NWD2: variants seen among roughly 807,000 people sequenced by gnomAD.
The protein encoded by NWD2 is NACHT and WD repeat domain-containing protein 2.
Under a neutral mutation model 132.7 loss-of-function variants are expected in NWD2, and 37 were observed. The observed-to-expected ratio is 0.28, with a 90% CI of 0.21 to 0.37. The LOEUF is 0.37. Ranked by LOEUF, NWD2 falls within the 10% of genes least tolerant of loss-of-function variation. The pLI is 1.00. For missense variants in NWD2, 1,592 were observed against 2,122.4 expected (o/e 0.75, Z 4.91); for synonymous variants, 705 against 803.0 (o/e 0.88, Z 2.06).
At chr4:37,411,494 A>G in intron 3 of NWD2, among the ~76,000 whole-genome samples, 1 of 152,256 alleles carries the variant, frequency 6.6e-6, no homozygotes, top group East Asian at 1.9e-4. Flanking sequence ...AGTAATTAAT[A>G]GCCTACCAAC....
intron 2 of NWD2, among the ~76,000 whole-genome samples, chr4:37,346,582 A>C (rs1163659704): frequency 6.6e-6 from 1 of 152,158 alleles, no homozygotes; most frequent in Non-Finnish European, 1.5e-5. Context: ...GATTGGATTG[A>C]ATCTGTAGGT....
intron 3 of NWD2, among the ~76,000 whole-genome samples, chr4:37,385,816 G>A (rs538299922): frequency 1.3e-5 from 2 of 152,114 alleles, no homozygotes; most frequent in African/African-American, 4.8e-5. Context: ...GATGGATTTG[G>A]GGTATTATTG....
chr4:37,441,733 G>T (rs921664685), intron 6 of NWD2, among the ~76,000 whole-genome samples: 3 of 152,176 alleles, frequency 2.0e-5, no homozygotes, highest in Non-Finnish European at 4.4e-5. Flanking sequence ...TAGGTCCTCT[G>T]CCTGCGCTTC....
In NWD2 at chr4:37,444,039, A is replaced by G. The variant is rs1315447254; in HGVS notation, c.2051A>G (p.Asp684Gly). 6.4e-7 allele frequency: 1 copy of G among 1,551,884 alleles called. No homozygotes were observed. The highest frequency in any genetic ancestry group is 2.0e-5 in the Admixed American group (1 of 50,992). The change falls in exon 7 of 7, where the codon GAC becomes GGC. Residue 684 changes from aspartate to glycine, a missense_variant. Asp to Gly is a moderately conservative substitution (Grantham distance 94). This residue lies in a region of NWD2 where 1,071 missense variants were observed against 1,398.0 expected (regional missense o/e 0.77). Transcript: ENST00000309447. This position sits in a 1 kb window ranked among gnomAD's most constrained non-coding sequence, Gnocchi z 4.8. Reference sequence around the variant, plus strand: ...GAACTGGAGGATGTGTTAGCCCTAGACAACAGTGTAATGAGTGAGCTCAAA... The same window carrying G: ...GAACTGGAGGATGTGTTAGCCCTAGGCAACAGTGTAATGAGTGAGCTCAAA... The part of the protein sequence containing the change: ...EMELEDVLAL[D>G]NSVMSELKEN...
chr4:37,403,599 A>T (rs902617982), intron 3 of NWD2, among the ~76,000 whole-genome samples: 4 of 151,422 alleles, frequency 2.6e-5, no homozygotes, highest in African/African-American at 9.7e-5. Context: ...TCTCACTTGC[A>T]TGAAGCATCA....
chr4:37,325,941 G>A lies in NWD2; in HGVS notation c.157G>A (p.Gly53Arg), dbSNP rs1457532495. 1.3e-6 allele frequency: 2 copies of A among 1,542,478 alleles called. No individual in the cohort carries two copies. The highest frequency in any genetic ancestry group is 1.4e-5 in the African/African-American group (1 of 72,714). The change falls in exon 2 of 7, where the codon GGA becomes AGA. Residue 53 changes from glycine (G) to arginine (R), a missense_variant. By Grantham distance (125) the Gly-to-Arg change is moderately radical (BLOSUM62 -2). Transcript: ENST00000309447. The stretch of plus-strand genomic sequence containing the variant: ...TGTTTGTCTTTCTACTACAGATACG[G>A]GAGCAGAAAGACAGGCGCTAAGAGA... ...VFISANPEDT[G>R]AERQALRENV... is the part of the protein sequence containing the mutation.
At position 37,325,973 on chromosome 4, in the gene NWD2, A is replaced by G. The variant is rs772933993; in HGVS notation, c.189A>G (p.Val63=). 12 of 1,549,146 alleles carry G rather than the reference A, an allele frequency of 7.7e-6. No homozygotes were observed. The highest frequency in any genetic ancestry group is 1.2e-5 in the South Asian group (1 of 83,898). The change falls in exon 2 of 7, where the codon GTA becomes GTG. Residue 63 remains valine, a synonymous_variant. Transcript: ENST00000309447. Reference sequence around the variant, plus strand: ...AAAGACAGGCGCTAAGAGAAAATGTATATCCTAAACTGAGAGAATTCTGCA... The same window carrying G: ...AAAGACAGGCGCTAAGAGAAAATGTGTATCCTAAACTGAGAGAATTCTGCA... ...GAERQALREN[V]YPKLREFCRE...
At chr4:37,426,054 C>T (rs1026065461) in intron 3 of NWD2, among the ~76,000 whole-genome samples, 5 of 152,230 alleles carry the variant, frequency 3.3e-5, no homozygotes, top group African/African-American at 1.2e-4. Flanking sequence ...GGACTGCCCC[C>T]TTCTCTAAAT....
chr4:37,413,619 G>A (rs1721205858), intron 3 of NWD2, among the ~76,000 whole-genome samples: 1 of 152,126 alleles, frequency 6.6e-6, no homozygotes, highest in Non-Finnish European at 1.5e-5. Context: ...TCCCATTACT[G>A]GGTATATACC....
intron 1 of NWD2, among the ~76,000 whole-genome samples, chr4:37,299,781 T>C (rs1211984024): frequency 6.6e-6 from 1 of 152,166 alleles, no homozygotes; most frequent in Non-Finnish European, 1.5e-5. Flanking sequence ...GAAAGATGTT[T>C]TTCTTGTAAA....
chr4:37,278,217 G>A lies in NWD2; in HGVS notation c.151+32999G>A, dbSNP rs899518599. 2.6e-5 allele frequency among the ~76,000 whole-genome samples: 4 copies of A among 152,108 alleles called. No individual in the cohort carries two copies. In the East Asian group the frequency reaches 5.8e-4, roughly 22 times the overall value. ...TTTACATAACCTTAGGTTTAGTTAG[G>A]AGTGTCTGAATAGCTTGAGTTGGTA... On this transcript the variant is annotated intron_variant, in intron 1 of 6. Coordinates refer to ENST00000309447, the MANE Select transcript of NWD2 (RefSeq NM_001144990.2).
intron 2 of NWD2, 71 bp from the exon 3 acceptor site, chr4:37,356,295 C>T (rs1392606115): frequency 5.2e-6 from 4 of 772,782 alleles, no homozygotes; most frequent in Non-Finnish European, 8.0e-6. Flanking sequence ...TTAAAAGTCA[C>T]ATTAGCTTGA....
intron 2 of NWD2, among the ~76,000 whole-genome samples, chr4:37,346,067 G>A (rs2109296740): frequency 6.7e-6 from 1 of 149,202 alleles, no homozygotes; most frequent in East Asian, 1.9e-4. Context: ...GGGCAGCAGA[G>A]GGATACTCTG....
intron 3 of NWD2, among the ~76,000 whole-genome samples, chr4:37,368,622 G>T (rs1720146740): frequency 6.6e-6 from 1 of 152,172 alleles, no homozygotes; most frequent in South Asian, 2.1e-4. Context: ...CTGATTCTGT[G>T]TGTCACAAAA....
chr4:37,339,162 A>C (rs1719470328), intron 2 of NWD2, among the ~76,000 whole-genome samples: 1 of 152,192 alleles, frequency 6.6e-6, no homozygotes, highest in Admixed American at 6.5e-5. Flanking sequence ...TCCCAGAAGT[A>C]TTATAAGCAT....
chr4:37,340,589 T>G (rs997377360), intron 2 of NWD2, among the ~76,000 whole-genome samples: 4 of 152,028 alleles, frequency 2.6e-5, no homozygotes, highest in African/African-American at 9.7e-5. Flanking sequence ...TGTGTAAAGG[T>G]TGGGGAGAAG....
chr4:37,319,001 G>A (rs532399472), intron 1 of NWD2, among the ~76,000 whole-genome samples: 3 of 152,298 alleles, frequency 2.0e-5, no homozygotes, highest in Admixed American at 2.0e-4. Flanking sequence ...ACCCAGTCAT[G>A]GGATTGCTGG....
chr4:37,414,688 A>G (rs904245260), intron 3 of NWD2, among the ~76,000 whole-genome samples: 11 of 152,326 alleles, frequency 7.2e-5, no homozygotes, highest in African/African-American at 2.6e-4. Context: ...ACAGCAGGAA[A>G]AATCACATCT....
intron 4 of NWD2, among the ~76,000 whole-genome samples, chr4:37,431,302 C>T (rs1376586361): frequency 6.6e-6 from 1 of 152,148 alleles, no homozygotes; most frequent in East Asian, 1.9e-4. Context: ...AATTAAGGAA[C>T]ATTTATATAC....
Sources: allele counts gnomAD v4.1 joint callset (sites outside exome capture counted in the v4.1 genomes callset), GRCh38; gene constraint gnomAD v4.1.1; regional missense constraint gnomAD v4.1.1; non-coding constraint Gnocchi (gnomAD v3.1); transcripts MANE v1.5; gene names NCBI Gene and HGNC (gene_info 2026-07-23, HGNC 2026-07-21).